Variants in ATRX observed in about 807,000 individuals in gnomAD.
ATRX encodes ATRX chromatin remodeler, also known as chromatin remodeler ATRX.
A neutral mutation model predicts 172.6 loss-of-function variants in ATRX; 12 were observed. The observed-to-expected ratio is 0.07, with a 90% CI of 0.04 to 0.11. The LOEUF (loss-of-function observed/expected upper bound fraction) is 0.11, where lower values mean the gene tolerates loss of function less well. Ranked by LOEUF, ATRX falls within the 10% of genes least tolerant of loss-of-function variation. The pLI is 1.00. For synonymous variants in ATRX, 674 were observed against 594.7 expected, an observed-to-expected ratio of 1.13 and a Z score of -1.94; for missense variants, 1,368 against 1,767.4, an observed-to-expected ratio of 0.77 and a Z score of 4.05.
At chrX:77,701,489 G>A (rs2072507009) in intron 2 of ATRX, among the ~76,000 whole-genome samples, 1 of 106,520 alleles carries the variant, frequency 9.4e-6, no homozygotes, top group African/African-American at 3.5e-5. Context: ...TCCAGCCTGG[G>A]CAACAAGAGC....
At chrX:77,524,927 T>A (rs1557043148) in intron 30 of ATRX, among the ~76,000 whole-genome samples, 1 of 109,829 alleles carries the variant, frequency 9.1e-6, no homozygotes, top group East Asian at 2.9e-4. Context: ...AAAAATTTTG[T>A]AGACATAGGA....
chrX:77,510,113 CAG>C (rs1557035855), intron 34 of ATRX, among the ~76,000 whole-genome samples: 1 of 111,754 alleles, frequency 8.9e-6, no homozygotes, highest in Admixed American at 9.4e-5. Flanking sequence ...CACAGTAGGA[CAG>C]GGCACCAGGC....
intron 1 of ATRX, among the ~76,000 whole-genome samples, chrX:77,723,050 G>A (rs1569542861): frequency 9.0e-6 from 1 of 111,677 alleles, no homozygotes. Context: ...GGACATGGAT[G>A]GAGCTGGAAA....
intron 30 of ATRX, among the ~76,000 whole-genome samples, chrX:77,540,632 C>T (rs2063940382): frequency 8.9e-6 from 1 of 112,007 alleles, no homozygotes; most frequent in South Asian, 3.7e-4. Context: ...GAACACAGCG[C>T]AATCAAATCA....
chrX:77,695,159 A>G (rs1471092846), intron 5 of ATRX, among the ~76,000 whole-genome samples: 1 of 110,014 alleles, frequency 9.1e-6, no homozygotes, highest in Non-Finnish European at 1.9e-5. Context: ...CTTTGGATTC[A>G]AGCAGACCTG....
rs1557149877 is a variant in ATRX, at chrX:77,696,592, G to A, written c.355C>T (p.Gln119Ter). ...CACACATTACCTTTTGGCAAGCTCT[G>A]CATAGTAATATCATTTTCTGAATTT... ...NENSENDITM[Q>*]SLPKGTVIVQ... Residue 119 changes from glutamine to a stop codon, truncating the protein, a stop_gained, in exon 5 of 35, where the codon CAG (glutamine) becomes TAG (stop). Transcript: ENST00000373344. LOFTEE classifies it high-confidence loss of function. 8.3e-7 allele frequency: 1 copy of A among 1,206,315 alleles called. No homozygotes were observed.
Position 77,505,393 on chromosome X carries a change from T to C in ATRX, c.*2958A>G, listed in dbSNP as rs1191342443. On this transcript the variant is annotated 3_prime_UTR_variant, in exon 35 of 35. Coordinates refer to ENST00000373344, the MANE Select transcript of ATRX (RefSeq NM_000489.6). ...AAGCAGCTTTTCTATCAAGTGTGGG[T>C]TGGTAGCCCTGCTTGACTTAAAATG... 2 of 172,495 alleles carry C rather than the reference T, an allele frequency of 1.2e-5. No individual in the cohort carries two copies. Among genetic ancestry groups the C allele is most frequent in the African/African-American group, 5.9e-5 (2 of 33,625 alleles). 14.2% of individuals were successfully genotyped at this position (172,495 alleles called of 1,213,427 possible). A position where few individuals can be genotyped will look rare whatever the true frequency, so the allele number is the denominator to read the frequency against.
intron 1 of ATRX, among the ~76,000 whole-genome samples, chrX:77,772,189 T>C (rs2076175033): frequency 1.9e-5 from 2 of 108,083 alleles, no homozygotes; most frequent in Admixed American, 2.0e-4. Flanking sequence ...TCCCGGCTAC[T>C]CAGGAGGCTG....
At chrX:77,631,942 C>T (rs1171166253) in intron 19 of ATRX, among the ~76,000 whole-genome samples, 6 of 112,074 alleles carry the variant, frequency 5.4e-5, no homozygotes, top group African/African-American at 1.9e-4. Context: ...TCTGCACTAC[C>T]TTTTCAACTT....
Position 77,653,722 on chromosome X carries a change from T to C in ATRX, c.4317+376A>G, listed in dbSNP as rs186969822. 2.9e-3 allele frequency among the ~76,000 whole-genome samples: 321 copies of C among 111,990 alleles called. 1 individual carries two copies. Among genetic ancestry groups the C allele is most frequent in the Non-Finnish European group, 4.7e-3 (249 of 53,127 alleles). ...CAAACATATTACAGACACCTTTTAC[T>C]TTATGTAAGCCTGCTTAAATACAAA... On this transcript the variant is annotated intron_variant, in intron 14 of 34. Coordinates refer to ENST00000373344, the MANE Select transcript of ATRX (RefSeq NM_000489.6).
Position 77,521,421 on chromosome X carries a change from C to T in ATRX, c.7053G>A (p.Glu2351=). 1 of 1,208,906 alleles carries T rather than the reference C, an allele frequency of 8.3e-7. No homozygotes were observed. Among genetic ancestry groups the T allele is most frequent in the Non-Finnish European group, 1.1e-6 (1 of 893,383 alleles). ...SVTAVRIQPL[E]DIISAVWKEN... is the part of the protein sequence containing the mutation. The stretch of plus-strand genomic sequence containing the variant: ...AGCTTACTACAGCTGAAATTATATC[C>T]TCAAGAGGTTGAATCCTCACTGCTG... Residue 2351 remains glutamate (E), a synonymous_variant, in exon 33 of 35, where the codon GAG becomes GAA. Coordinates refer to ENST00000373344, the MANE Select transcript of ATRX (RefSeq NM_000489.6).
chrX:77,558,621 TCA>T (rs782603528), intron 29 of ATRX, 46 bp downstream of exon 29: 1 of 1,049,149 alleles, frequency 9.5e-7, no homozygotes, highest in East Asian at 3.0e-5. Context: ...TAAAATATTA[TCA>T]GTTTCACATA....
At chrX:77,614,419 C>T (rs2067272812) in intron 22 of ATRX, among the ~76,000 whole-genome samples, 1 of 111,600 alleles carries the variant, frequency 9.0e-6, no homozygotes, top group African/African-American at 3.3e-5. Context: ...TAAAGATTCA[C>T]GGTACCAGGT....
chrX:77,591,182 AG>A (rs1280756982), intron 26 of ATRX, among the ~76,000 whole-genome samples: 4 of 111,976 alleles, frequency 3.6e-5, no homozygotes, highest in Middle Eastern at 9.3e-3. Flanking sequence ...CGGGAGAAGG[AG>A]GAAAAATGTT....
chrX:77,641,393 C>T (rs1433654868), intron 15 of ATRX, among the ~76,000 whole-genome samples: 2 of 109,675 alleles, frequency 1.8e-5, no homozygotes, highest in African/African-American at 3.3e-5. Context: ...GCCTGGGCAA[C>T]GTGGTGAAAC....
chrX:77,715,554 T>C (rs1216879636), intron 2 of ATRX, among the ~76,000 whole-genome samples: 1 of 112,560 alleles, frequency 8.9e-6, no homozygotes, highest in Non-Finnish European at 1.9e-5. Flanking sequence ...CTGCCTTCTA[T>C]CATTTCTGTT....
intron 12 of ATRX, among the ~76,000 whole-genome samples, chrX:77,663,068 A>G (rs1424745232): frequency 2.7e-5 from 3 of 111,234 alleles, no homozygotes; most frequent in Non-Finnish European, 3.8e-5. Flanking sequence ...TGTTTTTGAG[A>G]CAGGGTCTCA....
intron 1 of ATRX, among the ~76,000 whole-genome samples, chrX:77,780,512 T>C (rs1178384727): frequency 7.3e-5 from 8 of 109,003 alleles, no homozygotes; most frequent in African/African-American, 2.7e-4. Flanking sequence ...GTATTTTTAG[T>C]AGAGATGGGG....
chrX:77,622,510 G>T (rs2067636482), intron 19 of ATRX, among the ~76,000 whole-genome samples: 1 of 111,295 alleles, frequency 9.0e-6, no homozygotes, highest in African/African-American at 3.3e-5. Flanking sequence ...ATTCCTGCCT[G>T]GCAACACAGG....
Sources: gnomAD v4.1 joint callset for allele counts (sites outside exome capture counted in the v4.1 genomes callset) on GRCh38, gnomAD v4.1.1 for gene constraint, MANE v1.5 for transcripts, NCBI Gene and HGNC (gene_info 2026-07-23, HGNC 2026-07-21) for gene names.